Variants in CDK17 observed in about 807,000 individuals in gnomAD.
CDK17 encodes the protein cyclin dependent kinase 17.
A neutral mutation model predicts 77.6 loss-of-function variants in CDK17; 24 were observed. That is an observed-to-expected ratio of 0.31 (90% CI 0.22 to 0.44). The LOEUF is 0.44. Ranked by LOEUF, CDK17 falls within the 20% of genes least tolerant of loss-of-function variation. The probability of loss-of-function intolerance (pLI) is 1.00; values close to 1 mark genes in which losing one functional copy is unlikely to be tolerated. For synonymous variants in CDK17, 203 were observed against 210.4 expected, an observed-to-expected ratio of 0.96 and a Z score of 0.30; for missense variants, 429 against 622.5, an observed-to-expected ratio of 0.69 and a Z score of 3.31.
At chr12:96,282,216 G>T in intron 15 of CDK17, 1 of 272,016 alleles carries the variant, frequency 3.7e-6, no homozygotes, top group Non-Finnish European at 6.8e-6. Context: ...TGGGCCTAGG[G>T]ACAATGCCTG....
chr12:96,289,829 T>A (rs1723337658), intron 10 of CDK17, among the ~76,000 whole-genome samples: 1 of 152,202 alleles, frequency 6.6e-6, no homozygotes, highest in African/African-American at 2.4e-5. Context: ...AAAATTACAG[T>A]GCTGTTCTGT....
intron 2 of CDK17, among the ~76,000 whole-genome samples, chr12:96,328,525 A>G (rs1952921365): frequency 6.6e-6 from 1 of 152,146 alleles, no homozygotes; most frequent in African/African-American, 2.4e-5. Flanking sequence ...AAAAATAGGA[A>G]GCTACAATGG....
At chr12:96,280,646 T>C (rs1952165346) in intron 16 of CDK17, 162 bp downstream of exon 16, 2 of 1,428,146 alleles carry the variant, frequency 1.4e-6, no homozygotes, top group South Asian at 1.6e-5. Flanking sequence ...GCCCACATCA[T>C]ACAGAAAAGT....
intron 6 of CDK17, 103 bp downstream of exon 6, chr12:96,300,201 C>T: frequency 1.3e-6 from 1 of 771,118 alleles, no homozygotes; most frequent in East Asian, 2.5e-5. Context: ...TTGTAGACAT[C>T]AGTACTTACG....
intron 1 of CDK17, among the ~76,000 whole-genome samples, chr12:96,336,401 G>A (rs887751963): frequency 2.6e-5 from 4 of 152,140 alleles, no homozygotes; most frequent in Non-Finnish European, 5.9e-5. Flanking sequence ...TGAATTTGAG[G>A]CTGCAGTGAG....
At chr12:96,382,087 CATCT>C (rs1262404064) in intron 1 of CDK17, among the ~76,000 whole-genome samples, 2 of 148,712 alleles carry the variant, frequency 1.3e-5, no homozygotes, top group Non-Finnish European at 3.0e-5. Context: ...CACTTCTAGA[CATCT>C]ATCTACCCTA....
intron 1 of CDK17, among the ~76,000 whole-genome samples, chr12:96,356,915 C>T (rs563951027): frequency 2.6e-5 from 4 of 152,240 alleles, no homozygotes; most frequent in South Asian, 2.1e-4. Flanking sequence ...AAATGTCACT[C>T]GGAATGTAGA....
At chr12:96,395,466 G>C (rs149901518) in intron 1 of CDK17, among the ~76,000 whole-genome samples, 1,737 of 152,242 alleles carry the variant, frequency 0.011, 51 homozygotes, top group Admixed American at 0.064. Flanking sequence ...TGGAAACAAT[G>C]ACTTAACCTA....
chr12:96,345,856 G>T (rs964003380), intron 1 of CDK17, among the ~76,000 whole-genome samples: 3 of 151,816 alleles, frequency 2.0e-5, no homozygotes, highest in African/African-American at 7.3e-5. Context: ...CAATAAAAGG[G>T]CAAAAATAAA....
At chr12:96,310,131 C>T (rs1276477845) in intron 5 of CDK17, among the ~76,000 whole-genome samples, 1 of 152,090 alleles carries the variant, frequency 6.6e-6, no homozygotes, top group Non-Finnish European at 1.5e-5. Flanking sequence ...AATGGAATAC[C>T]ATGCAACAAT....
intron 9 of CDK17, among the ~76,000 whole-genome samples, chr12:96,296,551 G>C (rs1171705231): frequency 6.6e-6 from 1 of 152,186 alleles, no homozygotes; most frequent in Non-Finnish European, 1.5e-5. Flanking sequence ...GCACACAGCT[G>C]CGACAGCCTA....
At chr12:96,351,029 T>C (rs971847895) in intron 1 of CDK17, among the ~76,000 whole-genome samples, 1 of 152,154 alleles carries the variant, frequency 6.6e-6, no homozygotes, top group African/African-American at 2.4e-5. Context: ...GGTAAAGGTC[T>C]TGAATGTACA....
At chr12:96,291,769 CCA>C (rs1952327885) in intron 10 of CDK17, among the ~76,000 whole-genome samples, 1 of 151,950 alleles carries the variant, frequency 6.6e-6, no homozygotes, top group Non-Finnish European at 1.5e-5. Context: ...CAGGTGTCCG[CCA>C]CAATGCCCAG....
chr12:96,311,618 A>G (rs991864166), intron 4 of CDK17, among the ~76,000 whole-genome samples: 1 of 81,698 alleles, frequency 1.2e-5, no homozygotes, highest in Non-Finnish European at 2.6e-5. Flanking sequence ...TAATTATACA[A>G]TGTGAGCTGG....
Position 96,280,258 on chromosome 12 carries a change from T to C in CDK17, c.1556A>G (p.Gln519Arg). Residue 519 changes from glutamine (Q) to arginine (R), a missense_variant, in exon 17 of 17, where the codon CAG (glutamine) becomes CGG (arginine). Around this residue, in one of 4 missense-constraint regions of CDK17, gnomAD observed 115 missense variants for 124.2 expected, o/e 0.93. Coordinates refer to ENST00000261211, the MANE Select transcript of CDK17 (RefSeq NM_002595.5). Reference protein sequence around the residue: ...PETGHGKNRRQSMLF With the variant: ...PETGHGKNRRRSMLF ...TTATCAGACTTAAAAGAGCATGCTC[T>C]GTCTTCTGTTCTTCCCATGTCCTAA... 1 of 1,551,362 alleles carries C rather than the reference T, an allele frequency of 6.4e-7. No homozygotes were observed. Among genetic ancestry groups the C allele is most frequent in the Non-Finnish European group, 8.7e-7 (1 of 1,146,792 alleles).
intron 1 of CDK17, among the ~76,000 whole-genome samples, chr12:96,363,654 T>C (rs1436923955): frequency 6.6e-6 from 1 of 152,004 alleles, no homozygotes; most frequent in Non-Finnish European, 1.5e-5. Context: ...AAGACCATCC[T>C]AGCTAACACA....
At chr12:96,355,398 G>GT (rs58937020) in intron 1 of CDK17, among the ~76,000 whole-genome samples, 4,842 of 72,594 alleles carry the variant, frequency 0.067, 110 homozygotes, top group Middle Eastern at 0.09. Context: ...TCTACATTGG[G>GT]TTTTTTTTTT....
intron 3 of CDK17, among the ~76,000 whole-genome samples, chr12:96,320,734 C>T (rs1952804584): frequency 7.1e-6 from 1 of 141,348 alleles, no homozygotes; most frequent in African/African-American, 2.6e-5. Flanking sequence ...ATAAATGGTG[C>T]TGGGAAAACT....
intron 7 of CDK17, 22 bp downstream of exon 7, chr12:96,298,847 A>G: frequency 7.9e-7 from 1 of 1,271,444 alleles, no homozygotes; most frequent in South Asian, 1.3e-5. Flanking sequence ...TGATTTTAAA[A>G]TGTTCTGTAT....
Sources: allele counts gnomAD v4.1 joint callset (sites outside exome capture counted in the v4.1 genomes callset), GRCh38; gene constraint gnomAD v4.1.1; regional missense constraint gnomAD v4.1.1; transcripts MANE v1.5; gene names NCBI Gene and HGNC (gene_info 2026-07-23, HGNC 2026-07-21).